The following UNC93A variants were observed in gnomAD, a reference collection of about 807,000 sequenced individuals.
UNC93A encodes N-acetylglucosamine transporter UNC93A.
In UNC93A, 43 loss-of-function variants were observed where a neutral mutation model predicts 47.5. The ratio of observed to expected loss-of-function variants is 0.91; its 90% CI spans 0.71 to 1.17. UNC93A has a LOEUF of 1.17. Ranked by LOEUF, UNC93A falls within the 50% of genes most tolerant of loss-of-function variation. UNC93A has a pLI of 0.00. For missense variants in UNC93A, 605 were observed against 577.6 expected (o/e 1.05, Z -0.49); for synonymous variants, 280 against 258.0 (o/e 1.09, Z -0.82).
chr6:167,305,111 C>G (rs981465261), intron 5 of UNC93A, among the ~76,000 whole-genome samples: 3 of 87,696 alleles, frequency 3.4e-5, no homozygotes, highest in Non-Finnish European at 6.8e-5. Flanking sequence ...CTCCAGATCC[C>G]TCCCAGGCAA....
chr6:167,312,630 G>C (rs13209799), intron 7 of UNC93A, among the ~76,000 whole-genome samples: 3 of 152,106 alleles, frequency 2.0e-5, no homozygotes, highest in East Asian at 1.9e-4. Flanking sequence ...TCCATTCTCC[G>C]GCAGCCAGAA....
At chr6:167,294,020 G>A (rs1295852558) in intron 1 of UNC93A, among the ~76,000 whole-genome samples, 1 of 152,206 alleles carries the variant, frequency 6.6e-6, no homozygotes, top group Non-Finnish European at 1.5e-5. Context: ...AGACAGTGAC[G>A]GGCACTCGGA....
intron 4 of UNC93A, among the ~76,000 whole-genome samples, chr6:167,303,189 C>A (rs1778289537): frequency 6.6e-6 from 1 of 152,232 alleles, no homozygotes; most frequent in African/African-American, 2.4e-5. Context: ...CCCCGTTCTG[C>A]ACCCATAGAA....
At chr6:167,271,868 C>T (rs1783456470) in intron 1 of UNC93A, among the ~76,000 whole-genome samples, 1 of 152,122 alleles carries the variant, frequency 6.6e-6, no homozygotes, top group Admixed American at 6.5e-5. Flanking sequence ...GACCTTTGGG[C>T]TTCTAGGGCA....
At chr6:167,308,736 G>A (rs1778474445) in intron 7 of UNC93A, among the ~76,000 whole-genome samples, 1 of 152,112 alleles carries the variant, frequency 6.6e-6, no homozygotes, top group Non-Finnish European at 1.5e-5. Context: ...TAGGTCACTG[G>A]AAGCAGCAGA....
intron 3 of UNC93A, among the ~76,000 whole-genome samples, chr6:167,296,742 C>T (rs756527655): frequency 5.9e-5 from 9 of 152,220 alleles, no homozygotes; most frequent in Non-Finnish European, 8.8e-5. Context: ...TGTCTCTACC[C>T]GACCTTGCCC....
At chr6:167,271,643 C>T (rs1783453607) in intron 1 of UNC93A, among the ~76,000 whole-genome samples, 2 of 152,092 alleles carry the variant, frequency 1.3e-5, no homozygotes. Context: ...TTTCCTTCTA[C>T]CCATCCTAGG....
chr6:167,296,401 C>A, intron 3 of UNC93A, 140 bp downstream of exon 3: 1 of 863,306 alleles, frequency 1.2e-6, no homozygotes, highest in Non-Finnish European at 1.8e-6. Context: ...AGGTGAGATT[C>A]TCAACCTGCC....
chr6:167,291,486 C>G lies in UNC93A; in HGVS notation c.-4C>G. ...ACTGGTGATTGATCTTTTCATCCAG[C>G]ACAATGGACAGAAGTCTAAGGAACG... is the stretch of plus-strand genomic sequence containing the variant. On this transcript the variant is annotated 5_prime_UTR_variant, in exon 1 of 8. Coordinates refer to ENST00000230256, the MANE Select transcript of UNC93A (RefSeq NM_018974.4). 3 of 1,612,794 alleles carry G rather than the reference C, an allele frequency of 1.9e-6. No homozygotes were observed. The highest frequency in any genetic ancestry group is 2.7e-5 in the African/African-American group (2 of 74,950).
intron 4 of UNC93A, among the ~76,000 whole-genome samples, chr6:167,302,497 G>A (rs1778271038): frequency 6.6e-6 from 1 of 152,122 alleles, no homozygotes; most frequent in African/African-American, 2.4e-5. Context: ...CTGCCAGGTG[G>A]GAGGAAAACA....
At chr6:167,273,764 C>T (rs571058169) in intron 1 of UNC93A, among the ~76,000 whole-genome samples, 1 of 152,132 alleles carries the variant, frequency 6.6e-6, no homozygotes, top group South Asian at 2.1e-4. Flanking sequence ...GCTTCCAGAT[C>T]ACAGGCAGAT....
intron 1 of UNC93A, among the ~76,000 whole-genome samples, chr6:167,277,491 G>A (rs1032041427): frequency 6.6e-6 from 1 of 152,120 alleles, no homozygotes; most frequent in African/African-American, 2.4e-5. Context: ...CAAAAGAACG[G>A]CCCCTCCTGC....
At chr6:167,305,382 G>A (rs1778354975) in intron 5 of UNC93A, among the ~76,000 whole-genome samples, 1 of 152,192 alleles carries the variant, frequency 6.6e-6, no homozygotes, top group South Asian at 2.1e-4. Flanking sequence ...CCCCCCTGAT[G>A]TGGCTGTGGC....
intron 4 of UNC93A, among the ~76,000 whole-genome samples, chr6:167,301,891 G>C (rs1466450609): frequency 6.6e-6 from 1 of 152,204 alleles, no homozygotes; most frequent in Non-Finnish European, 1.5e-5. Flanking sequence ...ATGGCCTCCT[G>C]TGCAGGCGTG....
At chr6:167,273,779 A>G (rs1783491905) in intron 1 of UNC93A, among the ~76,000 whole-genome samples, 1 of 152,042 alleles carries the variant, frequency 6.6e-6, no homozygotes, top group African/African-American at 2.4e-5. Context: ...GCAGATTCAC[A>G]GATTTTCTGA....
chr6:167,301,856 G>C (rs1778249032), intron 4 of UNC93A, among the ~76,000 whole-genome samples: 1 of 152,120 alleles, frequency 6.6e-6, no homozygotes, highest in Non-Finnish European at 1.5e-5. Context: ...GCTTGGAAGG[G>C]GGCCCTGATC....
chr6:167,313,622 A>T (rs1222854058), intron 7 of UNC93A, among the ~76,000 whole-genome samples: 1 of 152,096 alleles, frequency 6.6e-6, no homozygotes, highest in Non-Finnish European at 1.5e-5. Flanking sequence ...TATTCCCAAA[A>T]AGTTAGCTTA....
intron 4 of UNC93A, among the ~76,000 whole-genome samples, chr6:167,301,346 T>A (rs905788188): frequency 6.6e-6 from 1 of 152,222 alleles, no homozygotes; most frequent in African/African-American, 2.4e-5. Context: ...GAAGAAGTGG[T>A]CTTACTATTG....
intron 1 of UNC93A, among the ~76,000 whole-genome samples, chr6:167,284,770 C>T (rs931621733): frequency 3.9e-5 from 6 of 152,148 alleles, no homozygotes; most frequent in African/African-American, 1.4e-4. Context: ...GTCCGGGGTG[C>T]AGACCCACAG....
Sources: allele counts gnomAD v4.1 joint callset (sites outside exome capture counted in the v4.1 genomes callset), GRCh38; gene constraint gnomAD v4.1.1; transcripts MANE v1.5; gene names NCBI Gene and HGNC (gene_info 2026-07-23, HGNC 2026-07-21).